The following ZNF385B variants were observed in gnomAD, a reference collection of about 807,000 sequenced individuals.
ZNF385B encodes zinc finger protein 385B, also known as zinc finger protein 533.
ZNF385B carries 23 observed loss-of-function variants against 39.2 expected under a neutral mutation model. That is an observed-to-expected ratio of 0.59 (90% CI 0.42 to 0.83). ZNF385B has a LOEUF of 0.83. ZNF385B is among the 40% of genes least tolerant of loss of function. The pLI is 0.00. For missense variants in ZNF385B, 552 were observed against 598.9 expected (o/e 0.92, Z 0.82); for synonymous variants, 205 against 222.6 (o/e 0.92, Z 0.70).
At position 179,702,000 on chromosome 2, in the gene ZNF385B, G is replaced by C. The variant is rs116054867; in HGVS notation, c.298+67503C>G. The stretch of plus-strand genomic sequence containing the variant: ...GAGTGAAAGCAGACAAATACCCGTT[G>C]TATCTAGCAGTGCCCAAAGAGACCA... On this transcript the variant is annotated intron_variant, in intron 3 of 9. Coordinates refer to ENST00000410066, the MANE Select transcript of ZNF385B (RefSeq NM_152520.6). Among the ~76,000 whole-genome samples the C allele has an allele frequency of 9.5e-3, 1,451 of 152,268 alleles. 25 individuals carry two copies. The highest frequency in any genetic ancestry group is 0.033 in the African/African-American group (1,387 of 41,550).
intron 4 of ZNF385B, among the ~76,000 whole-genome samples, chr2:179,530,203 T>A (rs2059172141): frequency 6.6e-6 from 1 of 152,318 alleles, no homozygotes; most frequent in Non-Finnish European, 1.5e-5. Context: ...CCCAAAATTG[T>A]CCTCAAATTA....
chr2:179,680,018 AAAC>A (rs1392048051), intron 3 of ZNF385B, among the ~76,000 whole-genome samples: 1 of 152,224 alleles, frequency 6.6e-6, no homozygotes, highest in Non-Finnish European at 1.5e-5. Flanking sequence ...TTTAAGAAAT[AAAC>A]TTTTCACTTT....
intron 3 of ZNF385B, chr2:179,583,889 A>G: frequency 7.7e-7 from 1 of 1,301,762 alleles, no homozygotes; most frequent in African/African-American, 1.5e-5. Flanking sequence ...CCACATATAA[A>G]TTATACATTT....
intron 3 of ZNF385B, among the ~76,000 whole-genome samples, chr2:179,718,608 C>A (rs534026478): frequency 2.7e-5 from 4 of 150,132 alleles, no homozygotes; most frequent in Non-Finnish European, 5.9e-5. Flanking sequence ...AAATGTACTA[C>A]TTTTACAGTT....
At chr2:179,520,264 G>C (rs1334487450) in intron 4 of ZNF385B, among the ~76,000 whole-genome samples, 1 of 151,688 alleles carries the variant, frequency 6.6e-6, no homozygotes, top group Non-Finnish European at 1.5e-5. Context: ...TAAATTCATA[G>C]ACCTTTCCCC....
chr2:179,554,675 T>C (rs2060791325), intron 3 of ZNF385B, among the ~76,000 whole-genome samples: 1 of 148,878 alleles, frequency 6.7e-6, no homozygotes, highest in East Asian at 1.9e-4. Context: ...ATGATAACAC[T>C]AGATAAATGG....
intron 5 of ZNF385B, among the ~76,000 whole-genome samples, chr2:179,492,527 T>C (rs931157165): frequency 6.6e-6 from 1 of 152,164 alleles, no homozygotes; most frequent in Non-Finnish European, 1.5e-5. Context: ...AGAATTTACA[T>C]TGTGTCTCCT....
intron 3 of ZNF385B, among the ~76,000 whole-genome samples, chr2:179,561,271 C>T (rs532620463): frequency 2.6e-4 from 40 of 152,146 alleles, no homozygotes; most frequent in Admixed American, 4.6e-4. Flanking sequence ...AAACAAAGGC[C>T]ATGATGAATA....
At chr2:179,515,694 T>C (rs536220560) in intron 5 of ZNF385B, among the ~76,000 whole-genome samples, 4 of 152,326 alleles carry the variant, frequency 2.6e-5, no homozygotes, top group African/African-American at 9.6e-5. Flanking sequence ...TTAGTAGTTA[T>C]ATCTCTATCA....
chr2:179,485,832 AC>A (rs1251940057), intron 5 of ZNF385B, among the ~76,000 whole-genome samples: 4 of 152,228 alleles, frequency 2.6e-5, no homozygotes, highest in African/African-American at 9.6e-5. Flanking sequence ...TAGGTTTTGG[AC>A]ATATTAGTGA....
intron 5 of ZNF385B, 144 bp downstream of exon 5, chr2:179,518,384 T>C (rs1237380331): frequency 2.4e-5 from 15 of 612,650 alleles, no homozygotes; most frequent in African/African-American, 1.2e-4. Context: ...CCCAAATCCT[T>C]TGGAAATCTG....
chr2:179,518,335 G>T (rs1401790742), intron 5 of ZNF385B, among the ~76,000 whole-genome samples, 193 bp downstream of exon 5: 1 of 152,082 alleles, frequency 6.6e-6, no homozygotes, highest in Non-Finnish European at 1.5e-5. Flanking sequence ...GGATTCAGAG[G>T]GCCAACCATA....
chr2:179,535,129 T>G (rs919063997), intron 4 of ZNF385B, among the ~76,000 whole-genome samples: 1 of 152,196 alleles, frequency 6.6e-6, no homozygotes, highest in African/African-American at 2.4e-5. Flanking sequence ...TTTGAGAATT[T>G]CATTCTATGC....
chr2:179,687,293 A>G (rs1221626489), intron 3 of ZNF385B, among the ~76,000 whole-genome samples: 1 of 151,638 alleles, frequency 6.6e-6, no homozygotes, highest in African/African-American at 2.4e-5. Flanking sequence ...TCCAAATCTG[A>G]GAATGGGCTA....
intron 3 of ZNF385B, among the ~76,000 whole-genome samples, chr2:179,703,712 G>A (rs1054955149): frequency 2.0e-5 from 3 of 152,232 alleles, no homozygotes; most frequent in Non-Finnish European, 2.9e-5. Context: ...AAATACACAT[G>A]TGTGCATGCA....
chr2:179,502,027 T>C (rs952714491), intron 5 of ZNF385B, among the ~76,000 whole-genome samples: 12 of 152,202 alleles, frequency 7.9e-5, no homozygotes, highest in African/African-American at 2.9e-4. Flanking sequence ...TTATACAAAA[T>C]TGGCATTAGA....
intron 3 of ZNF385B, among the ~76,000 whole-genome samples, chr2:179,586,074 G>T (rs2056108): frequency 0.028 from 4,241 of 152,232 alleles, 75 homozygotes; most frequent in South Asian, 0.056. Context: ...CCACTGTTAG[G>T]TCCTGGGGCT....
At chr2:179,517,510 T>C (rs1167775923) in intron 5 of ZNF385B, among the ~76,000 whole-genome samples, 1 of 149,944 alleles carries the variant, frequency 6.7e-6, no homozygotes, top group African/African-American at 2.4e-5. Flanking sequence ...TAAACATCTC[T>C]TTTCCAATGA....
chr2:179,775,765 A>G (rs1478593970), intron 1 of ZNF385B, among the ~76,000 whole-genome samples: 1 of 152,090 alleles, frequency 6.6e-6, no homozygotes, highest in Non-Finnish European at 1.5e-5. Flanking sequence ...TAAAGCATAG[A>G]CTCTATTCTG....
Sources: gnomAD v4.1 joint callset for allele counts (sites outside exome capture counted in the v4.1 genomes callset) on GRCh38, gnomAD v4.1.1 for gene constraint, MANE v1.5 for transcripts, NCBI Gene and HGNC (gene_info 2026-07-23, HGNC 2026-07-21) for gene names.